ARMH3: variants seen among roughly 807,000 people sequenced by gnomAD.
ARMH3 encodes the protein armadillo-like helical domain-containing protein 3.
A neutral mutation model predicts 99.1 loss-of-function variants in ARMH3; 60 were observed. The ratio of observed to expected loss-of-function variants is 0.61; its 90% CI spans 0.49 to 0.75. ARMH3 has a LOEUF of 0.75. ARMH3 is among the 30% of genes least tolerant of loss of function. The pLI is 0.00. For synonymous variants in ARMH3, 285 were observed against 292.8 expected, an observed-to-expected ratio of 0.97 and a Z score of 0.27; for missense variants, 679 against 843.1, an observed-to-expected ratio of 0.81 and a Z score of 2.41.
In ARMH3 at chr10:102,029,733, G is replaced by C; in HGVS notation, c.319C>G (p.Leu107Val). The C allele has an allele frequency of 6.2e-7, 1 of 1,613,114 alleles. No homozygotes were observed. Among genetic ancestry groups the C allele is most frequent in the Non-Finnish European group, 8.5e-7 (1 of 1,179,202 alleles). The change falls in exon 5 of 26, where the codon CTC (leucine) becomes GTC (valine). Residue 107 changes from leucine (L) to valine (V), a missense_variant. By Grantham distance (32) the Leu-to-Val change is conservative. Transcript: ENST00000370033. ...TTCTTTTGATGGACTCCTCGAATGA[G>C]TGCGCACAGGGTCTGCAGAAATGAG... ...VVNALQTLCA[L>V]IRGVHQKNKS...
intron 23 of ARMH3, among the ~76,000 whole-genome samples, chr10:101,900,142 G>A (rs1486489470): frequency 6.6e-6 from 1 of 152,132 alleles, no homozygotes; most frequent in Non-Finnish European, 1.5e-5. Flanking sequence ...TCCTATCGTT[G>A]CTCAGATCCA....
At chr10:102,007,656 TAA>T (rs961346897) in intron 13 of ARMH3, among the ~76,000 whole-genome samples, 1 of 54,976 alleles carries the variant, frequency 1.8e-5, no homozygotes, top group Admixed American at 2.3e-4. Context: ...CTGTCTCTAC[TAA>T]AAAAAAAAAA....
chr10:101,956,141 G>C (rs765330052), intron 22 of ARMH3, among the ~76,000 whole-genome samples: 2 of 151,894 alleles, frequency 1.3e-5, no homozygotes, highest in Admixed American at 6.6e-5. Flanking sequence ...CAAAAGATTT[G>C]CAAAAAAAAG....
intron 2 of ARMH3, among the ~76,000 whole-genome samples, chr10:102,038,742 T>C (rs1033469849): frequency 3.3e-5 from 5 of 151,978 alleles, no homozygotes; most frequent in Non-Finnish European, 7.4e-5. Context: ...TATGGTCTTT[T>C]TTTTTTTTCT....
In ARMH3 at chr10:102,006,533, G is replaced by A. The variant is rs554612755; in HGVS notation, c.1048+7C>T. ...AACCAAGAAAAACAAAGTGGTGGTG[G>A]GCTCACCATCAGAGGAAGGCGGTGT... On this transcript the variant is annotated splice_region_variant and intron_variant, in intron 14 of 25. Transcript: ENST00000370033. The A allele has an allele frequency of 6.2e-7, 1 of 1,610,748 alleles. No homozygotes were observed. The highest frequency in any genetic ancestry group is 2.2e-5 in the East Asian group (1 of 44,862).
chr10:101,989,824 A>G (rs1193717297), intron 19 of ARMH3, among the ~76,000 whole-genome samples: 2 of 152,262 alleles, frequency 1.3e-5, no homozygotes, highest in Admixed American at 1.3e-4. Context: ...ATCTGCCCAG[A>G]TAATAGGGCT....
intron 15 of ARMH3, among the ~76,000 whole-genome samples, chr10:102,000,451 C>T (rs2066327727): frequency 6.6e-6 from 1 of 151,788 alleles, no homozygotes. Context: ...ATAGAGTTTC[C>T]ATTTTGTAAG....
At chr10:101,983,101 T>C (rs1388885157) in intron 19 of ARMH3, among the ~76,000 whole-genome samples, 1 of 152,040 alleles carries the variant, frequency 6.6e-6, no homozygotes, top group Admixed American at 6.6e-5. Flanking sequence ...CAAAGTGATG[T>C]CTGTTTGTAT....
chr10:101,846,689 T>A lies in ARMH3; in HGVS notation c.*839A>T, dbSNP rs2066474008. The A allele has an allele frequency of 2.0e-5, 3 of 152,252 alleles. No individual in the cohort carries two copies. In the South Asian group the frequency reaches 6.2e-4, roughly 32 times the overall value. 9.4% of individuals were successfully genotyped at this position (152,252 alleles called of 1,614,324 possible). A position where few individuals can be genotyped will look rare whatever the true frequency, so the allele number is the denominator to read the frequency against. ...AGAAAATAGGAAAACTGGCTGGGTGTGGTGGCTCACGCCTGTAATCCCAGC... is the reference window on the plus strand; with the variant it reads ...AGAAAATAGGAAAACTGGCTGGGTGAGGTGGCTCACGCCTGTAATCCCAGC... On this transcript the variant is annotated 3_prime_UTR_variant, in exon 26 of 26. Coordinates refer to ENST00000370033, the MANE Select transcript of ARMH3 (RefSeq NM_024541.3).
At chr10:101,904,431 T>A (rs554896227) in intron 23 of ARMH3, among the ~76,000 whole-genome samples, 1 of 152,114 alleles carries the variant, frequency 6.6e-6, no homozygotes, top group East Asian at 1.9e-4. Context: ...AGCCTTAAAA[T>A]CCCTTATAAT....
chr10:101,976,193 A>G (rs953373895), intron 19 of ARMH3, among the ~76,000 whole-genome samples: 4 of 144,450 alleles, frequency 2.8e-5, no homozygotes, highest in African/African-American at 7.6e-5. Flanking sequence ...AAAAAAAAAA[A>G]GCCAGGTGCA....
At chr10:101,893,734 G>T (rs2067750210) in intron 23 of ARMH3, among the ~76,000 whole-genome samples, 1 of 151,958 alleles carries the variant, frequency 6.6e-6, no homozygotes, top group Non-Finnish European at 1.5e-5. Context: ...AAGGGGAGGG[G>T]ACTGGGAGGC....
Position 101,917,150 on chromosome 10 carries a change from T to C in ARMH3, c.1781+22713A>G, listed in dbSNP as rs74747598. Among the ~76,000 whole-genome samples the C allele has an allele frequency of 3.3e-4, 50 of 152,288 alleles. No homozygotes were observed. In the East Asian group the frequency reaches 9.1e-3, roughly 28 times the overall value. ...GAAAAACCCTGATACAAGTATACAG[T>C]TCTGCAAGTTTTGAAAAATGCATAC... On this transcript the variant is annotated intron_variant, in intron 23 of 25. Coordinates refer to ENST00000370033, the MANE Select transcript of ARMH3 (RefSeq NM_024541.3).
chr10:101,949,219 A>G (rs1844685400), intron 22 of ARMH3, among the ~76,000 whole-genome samples: 1 of 152,070 alleles, frequency 6.6e-6, no homozygotes, highest in Admixed American at 6.5e-5. Context: ...CAAAGCAAGC[A>G]ATAAGAAGAA....
intron 22 of ARMH3, chr10:101,952,462 G>C (rs1038937186): frequency 4.9e-4 from 74 of 152,064 alleles, no homozygotes; most frequent in African/African-American, 1.8e-3. Flanking sequence ...TGGGATCCTG[G>C]AATACAAAAG....
At chr10:101,953,831 T>C (rs899384125) in intron 22 of ARMH3, among the ~76,000 whole-genome samples, 4 of 152,174 alleles carry the variant, frequency 2.6e-5, no homozygotes, top group Admixed American at 2.0e-4. Context: ...GTTTCTTATA[T>C]AGTTAAAACA....
intron 24 of ARMH3, among the ~76,000 whole-genome samples, chr10:101,859,654 T>A (rs528570610): frequency 3.5e-4 from 54 of 152,342 alleles, no homozygotes; most frequent in Admixed American, 3.5e-3. Flanking sequence ...AGCTCAGCTG[T>A]GCAGTGTACT....
chr10:101,980,496 A>C (rs1846178798), intron 19 of ARMH3, among the ~76,000 whole-genome samples: 1 of 151,990 alleles, frequency 6.6e-6, no homozygotes, highest in Non-Finnish European at 1.5e-5. Context: ...ATGGGGTTTT[A>C]CCATGTTGGC....
intron 24 of ARMH3, among the ~76,000 whole-genome samples, chr10:101,871,555 C>T (rs1050627598): frequency 6.6e-6 from 1 of 151,878 alleles, no homozygotes; most frequent in African/African-American, 2.4e-5. Context: ...CTAAGTACCT[C>T]AATGGAGAAA....
Sources: gnomAD v4.1 joint callset for allele counts (sites outside exome capture counted in the v4.1 genomes callset) on GRCh38, gnomAD v4.1.1 for gene constraint, MANE v1.5 for transcripts, NCBI Gene and HGNC (gene_info 2026-07-23, HGNC 2026-07-21) for gene names.